Variants in KLF8 observed in about 807,000 individuals in gnomAD.
KLF8 encodes Krueppel-like factor 8.
Under a neutral mutation model 18.2 loss-of-function variants are expected in KLF8, and 10 were observed. The ratio of observed to expected loss-of-function variants is 0.55; its 90% CI spans 0.34 to 0.93. The LOEUF (loss-of-function observed/expected upper bound fraction) is 0.93. KLF8 is among the 40% of genes least tolerant of loss of function. The pLI, the probability that KLF8 is intolerant of heterozygous loss-of-function variation, is 0.02. For synonymous variants in KLF8, 109 were observed against 97.3 expected (o/e 1.12, Z -0.71); for missense variants, 264 against 277.9 (o/e 0.95, Z 0.36).
chrX:56,188,958 G>A, the KLF8 span, among the ~76,000 whole-genome samples: 2 of 111,652 alleles, frequency 1.8e-5, no homozygotes, highest in Non-Finnish European at 3.8e-5. Flanking sequence ...ACATAGGCAT[G>A]GGCAAGGACT....
the KLF8 span, among the ~76,000 whole-genome samples, chrX:56,183,641 TA>T: frequency 9.1e-6 from 1 of 110,026 alleles, no homozygotes; most frequent in Non-Finnish European, 1.9e-5. Flanking sequence ...TAACCTCAAG[TA>T]AAAAAAATTT....
the KLF8 span, among the ~76,000 whole-genome samples, chrX:56,183,393 G>T: frequency 1.8e-5 from 2 of 112,057 alleles, no homozygotes; most frequent in Admixed American, 9.5e-5. Flanking sequence ...CTAGGAAAGG[G>T]AATTCCCTGA....
At chrX:56,264,318 G>T (rs1404330219) in intron 2 of KLF8, among the ~76,000 whole-genome samples, 1 of 109,784 alleles carries the variant, frequency 9.1e-6, no homozygotes, top group Non-Finnish European at 1.9e-5. Flanking sequence ...ACTAATAAAT[G>T]TATTTATTAG....
chrX:56,274,024 T>A (rs2067090272), intron 5 of KLF8, among the ~76,000 whole-genome samples: 1 of 112,283 alleles, frequency 8.9e-6, no homozygotes, highest in Non-Finnish European at 1.9e-5. Flanking sequence ...TTTCCTTTCT[T>A]TTGGATATAT....
chrX:56,114,320 T>A, the KLF8 span, among the ~76,000 whole-genome samples: 4 of 112,601 alleles, frequency 3.6e-5, no homozygotes, highest in South Asian at 1.5e-3. Context: ...CTGGGCGCAA[T>A]GTTAGCGGCC....
At chrX:56,085,510 GCTCT>G in the KLF8 span, among the ~76,000 whole-genome samples, 8,967 of 111,728 alleles carry the variant, frequency 0.08, 891 homozygotes, top group African/African-American at 0.28. Context: ...TTCTATTCAG[GCTCT>G]CTATGTATTG....
the KLF8 span, among the ~76,000 whole-genome samples, chrX:55,926,159 A>G: frequency 1.8e-5 from 2 of 111,682 alleles, no homozygotes; most frequent in South Asian, 7.5e-4. Context: ...CTGCTGTGTG[A>G]GTAGTTAGAG....
chrX:56,260,238 A>T (rs1381301916), intron 2 of KLF8, among the ~76,000 whole-genome samples: 2 of 111,425 alleles, frequency 1.8e-5, no homozygotes, highest in Non-Finnish European at 1.9e-5. Context: ...ATCTGCAAAG[A>T]TACTTTTTCC....
the KLF8 span, among the ~76,000 whole-genome samples, chrX:55,941,461 C>T: frequency 3.4e-4 from 38 of 111,532 alleles, no homozygotes; most frequent in Non-Finnish European, 6.2e-4. Context: ...TAGGCATGGG[C>T]AAGGACTTCA....
chrX:56,176,287 G>A, the KLF8 span, among the ~76,000 whole-genome samples: 1 of 111,671 alleles, frequency 9.0e-6, no homozygotes, highest in East Asian at 2.8e-4. Flanking sequence ...AGTTCTTTTA[G>A]GGCAGGCCCG....
At chrX:56,011,209 A>G in the KLF8 span, among the ~76,000 whole-genome samples, 1 of 112,264 alleles carries the variant, frequency 8.9e-6, no homozygotes, top group Non-Finnish European at 1.9e-5. Flanking sequence ...AAAATTGATC[A>G]CATAATTGGA....
the KLF8 span, among the ~76,000 whole-genome samples, chrX:56,042,028 C>A: frequency 1.8e-5 from 2 of 111,885 alleles, no homozygotes; most frequent in South Asian, 3.7e-4. Context: ...CTATAAATTT[C>A]TCTCTTAACA....
intron 1 of KLF8, among the ~76,000 whole-genome samples, chrX:56,245,514 C>T (rs1200791876): frequency 3.6e-5 from 4 of 112,092 alleles, no homozygotes; most frequent in Non-Finnish European, 7.5e-5. Flanking sequence ...ATATATGAGA[C>T]ATTGACCCAC....
the KLF8 span, among the ~76,000 whole-genome samples, chrX:55,940,531 A>C: frequency 1.8e-5 from 2 of 111,744 alleles, no homozygotes; most frequent in African/African-American, 6.5e-5. Context: ...TGGCCAGGAC[A>C]ATCAGTCAGG....
At chrX:56,069,919 A>T in the KLF8 span, among the ~76,000 whole-genome samples, 1 of 112,801 alleles carries the variant, frequency 8.9e-6, no homozygotes, top group Non-Finnish European at 1.9e-5. Flanking sequence ...CCAAAGGATT[A>T]TCAATCATTC....
At chrX:56,056,550 C>G in the KLF8 span, among the ~76,000 whole-genome samples, 1 of 97,942 alleles carries the variant, frequency 1.0e-5, no homozygotes, top group South Asian at 5.1e-4. Flanking sequence ...ATTGCAAGAA[C>G]AAAAAACCAA....
At position 56,284,351 on chromosome X, in the gene KLF8, T is replaced by C. The variant is rs754312008; in HGVS notation, c.937T>C (p.Trp313Arg). The change falls in exon 6 of 6, where the codon TGG becomes CGG. Residue 313 changes from tryptophan to arginine, a missense_variant. Trp to Arg is a moderately radical substitution (Grantham distance 101). Transcript: ENST00000468660. ...TAAATGCACCTGGGATGGCTGCTCC[T>C]GGAAATTTGCTCGCTCAGATGAGCT... Reference protein sequence around the residue: ...PYKCTWDGCSWKFARSDELTR... With the variant: ...PYKCTWDGCSRKFARSDELTR... 8.4e-7 allele frequency: 1 copy of C among 1,185,932 alleles called. No homozygotes were observed. Among genetic ancestry groups the C allele is most frequent in the Admixed American group, 2.4e-5 (1 of 42,070 alleles).
the KLF8 span, among the ~76,000 whole-genome samples, chrX:55,980,911 G>A: frequency 8.9e-6 from 1 of 112,457 alleles, no homozygotes; most frequent in African/African-American, 3.2e-5. Context: ...ATTTTAAGTA[G>A]GCCGGGCCCG....
chrX:56,220,546 C>T, the KLF8 span, among the ~76,000 whole-genome samples: 136 of 111,031 alleles, frequency 1.2e-3, 1 homozygote, highest in Non-Finnish European at 3.2e-4. Context: ...AGTGCAATGG[C>T]TTTATCTCGG....
Sources: allele counts gnomAD v4.1 joint callset (sites outside exome capture counted in the v4.1 genomes callset), GRCh38; gene constraint gnomAD v4.1.1; transcripts MANE v1.5; gene names NCBI Gene and HGNC (gene_info 2026-07-23, HGNC 2026-07-21).